Variants in PAM observed in about 807,000 individuals in gnomAD.
PAM encodes peptidyl-glycine alpha-amidating monooxygenase.
A neutral mutation model predicts 122.1 loss-of-function variants in PAM; 72 were observed. The ratio of observed to expected loss-of-function variants is 0.59; its 90% CI spans 0.49 to 0.72. The LOEUF is 0.72. Ranked by LOEUF, PAM falls within the 30% of genes least tolerant of loss-of-function variation. The probability of loss-of-function intolerance (pLI) is 0.00; values close to 1 mark genes in which losing one functional copy is unlikely to be tolerated. For missense variants in PAM, 1,106 were observed against 1,183.7 expected, an observed-to-expected ratio of 0.93 and a Z score of 0.96; for synonymous variants, 389 against 404.4, an observed-to-expected ratio of 0.96 and a Z score of 0.46.
intron 1 of PAM, among the ~76,000 whole-genome samples, chr5:102,798,864 G>A (rs1032603414): frequency 1.3e-5 from 2 of 152,136 alleles, no homozygotes; most frequent in African/African-American, 4.8e-5. Flanking sequence ...TGTCTGTATC[G>A]TGTTTTGTCT....
At position 102,908,722 on chromosome 5, in the gene PAM, A is replaced by C. The variant is rs373092359; in HGVS notation, c.269-5212A>C. 9.9e-5 allele frequency among the ~76,000 whole-genome samples: 15 copies of C among 151,648 alleles called. No individual in the cohort carries two copies. In the South Asian group the frequency reaches 1.0e-3, roughly 10 times the overall value. Reference sequence around the variant, plus strand: ...CCCTAAAACTTAAAGTATAATAATAAAAGAAAAAAAAATAATAAATAAATA... The same window carrying C: ...CCCTAAAACTTAAAGTATAATAATACAAGAAAAAAAAATAATAAATAAATA... On this transcript the variant is annotated intron_variant, in intron 4 of 25. Transcript: ENST00000438793.
chr5:102,964,818 C>A (rs1337212035), intron 14 of PAM, among the ~76,000 whole-genome samples: 2 of 151,650 alleles, frequency 1.3e-5, no homozygotes, highest in Non-Finnish European at 3.0e-5. Context: ...TGAATATTTT[C>A]TCCAGTGGTA....
At chr5:102,835,513 A>C (rs992238306) in intron 1 of PAM, among the ~76,000 whole-genome samples, 1 of 152,116 alleles carries the variant, frequency 6.6e-6, no homozygotes, top group African/African-American at 2.4e-5. Context: ...TTTTTGTAGG[A>C]TTCACATACC....
rs1374217118 is a variant in PAM at position 102,777,368 on chromosome 5, T to C, written c.-374+22020T>C. On this transcript the variant is annotated intron_variant, in intron 1 of 25. Coordinates refer to ENST00000438793, the MANE Select transcript of PAM (RefSeq NM_001177306.2). ...TTTCCCCATAAACCTTGTTATTATC[T>C]AACATATAATTTACTCCCCCAGCCC... Among the ~76,000 whole-genome samples, 5 of 152,242 alleles carry C rather than the reference T, an allele frequency of 3.3e-5. No homozygotes were observed. The East Asian group carries it at 5.8e-4, about 18-fold the overall frequency.
intron 5 of PAM, among the ~76,000 whole-genome samples, chr5:102,921,648 AT>A (rs1158418266): frequency 6.6e-6 from 1 of 152,194 alleles, no homozygotes; most frequent in African/African-American, 2.4e-5. Context: ...ACCAGACCTG[AT>A]AAGAGAATAA....
intron 1 of PAM, among the ~76,000 whole-genome samples, chr5:102,828,696 C>T (rs1305097365): frequency 1.3e-5 from 2 of 152,152 alleles, no homozygotes; most frequent in African/African-American, 4.8e-5. Context: ...TTTCATGGTT[C>T]ATGGCAGATA....
At chr5:102,822,364 G>GA (rs1772253921) in intron 1 of PAM, among the ~76,000 whole-genome samples, 1 of 152,036 alleles carries the variant, frequency 6.6e-6, no homozygotes, top group Non-Finnish European at 1.5e-5. Context: ...ACCCACCCTG[G>GA]ACAGAATGCC....
intron 7 of PAM, among the ~76,000 whole-genome samples, chr5:102,931,805 A>ACTCTCTCTCTCTCTCTCTCTCTCTCTCT (rs879417466): frequency 2.1e-5 from 3 of 140,388 alleles, no homozygotes; most frequent in African/African-American, 7.7e-5. Flanking sequence ...AACAAACAAC[A>ACTCTCTCTCTCTCTCTCTCTCTCTCTCT]CACTCTCTCT....
intron 1 of PAM, among the ~76,000 whole-genome samples, chr5:102,778,710 A>G (rs416769): frequency 0.47 from 72,063 of 151,858 alleles, 17,667 homozygotes; most frequent in African/African-American, 0.59. Context: ...CATTCACTTC[A>G]TTTTTACATG....
At position 102,997,511 on chromosome 5, in the gene PAM, T is replaced by A. The variant is rs79448750; in HGVS notation, c.1614-5522T>A. On this transcript the variant is annotated intron_variant, in intron 16 of 25. Transcript: ENST00000438793. ...TCCAACCTGAGCAACAGAGACCCTG[T>A]CTCAAAAAAAAAAATTACTCTGATT... Among the ~76,000 whole-genome samples the A allele has an allele frequency of 3.6e-3, 551 of 152,018 alleles. 2 individuals are homozygous for A. The highest frequency in any genetic ancestry group is 0.012 in the African/African-American group (516 of 41,490).
At chr5:102,821,000 GAGA>G (rs1771711976) in intron 1 of PAM, among the ~76,000 whole-genome samples, 1 of 152,202 alleles carries the variant, frequency 6.6e-6, no homozygotes, top group Non-Finnish European at 1.5e-5. Context: ...CAGTTGGAGT[GAGA>G]AGATGAGTTT....
chr5:102,903,752 G>A (rs573281840), intron 4 of PAM, among the ~76,000 whole-genome samples: 17 of 151,642 alleles, frequency 1.1e-4, no homozygotes, highest in African/African-American at 3.9e-4. Context: ...TAACCTAGTC[G>A]TACTTCAGAT....
At chr5:102,877,486 A>C (rs1051313615) in intron 3 of PAM, among the ~76,000 whole-genome samples, 1 of 152,206 alleles carries the variant, frequency 6.6e-6, no homozygotes, top group African/African-American at 2.4e-5. Flanking sequence ...GAAAATATTT[A>C]TGGAGGCAGC....
chr5:102,929,053 A>G (rs558349170), intron 7 of PAM, among the ~76,000 whole-genome samples: 5 of 152,278 alleles, frequency 3.3e-5, no homozygotes, highest in African/African-American at 1.2e-4. Flanking sequence ...AAAAAAGGAA[A>G]TGGTTGATGA....
At chr5:103,016,555 G>C (rs911068323) in intron 21 of PAM, among the ~76,000 whole-genome samples, 4 of 152,210 alleles carry the variant, frequency 2.6e-5, no homozygotes, top group African/African-American at 7.2e-5. Flanking sequence ...CCAAGAACTA[G>C]TTTGGTGATC....
intron 7 of PAM, among the ~76,000 whole-genome samples, chr5:102,931,024 C>T (rs1412986992): frequency 1.3e-5 from 2 of 152,068 alleles, no homozygotes; most frequent in African/African-American, 2.4e-5. Context: ...TTGCTCTCCT[C>T]ATCTGTAAAA....
intron 21 of PAM, among the ~76,000 whole-genome samples, chr5:103,010,076 C>T (rs1780180142): frequency 6.6e-6 from 1 of 152,000 alleles, no homozygotes; most frequent in Non-Finnish European, 1.5e-5. Context: ...AGATCAATTT[C>T]TTCAGATGCA....
At chr5:102,792,697 C>A (rs779035347) in intron 1 of PAM, among the ~76,000 whole-genome samples, 7 of 152,142 alleles carry the variant, frequency 4.6e-5, no homozygotes, top group Non-Finnish European at 1.0e-4. Flanking sequence ...TTTAAAGGAA[C>A]CCTGAAACCA....
intron 7 of PAM, among the ~76,000 whole-genome samples, chr5:102,935,632 C>T (rs1169498105): frequency 6.6e-6 from 1 of 152,100 alleles, no homozygotes; most frequent in Non-Finnish European, 1.5e-5. Context: ...TTTACAATCC[C>T]ATATCCTTGG....
Sources: gnomAD v4.1 joint callset for allele counts (sites outside exome capture counted in the v4.1 genomes callset) on GRCh38, gnomAD v4.1.1 for gene constraint, MANE v1.5 for transcripts, NCBI Gene and HGNC (gene_info 2026-07-23, HGNC 2026-07-21) for gene names.